The following DLGAP2 variants were observed in gnomAD, a reference collection of about 807,000 sequenced individuals.
DLGAP2 encodes DLG associated protein 2.
DLGAP2 carries 26 observed loss-of-function variants against 100.3 expected under a neutral mutation model. The observed-to-expected ratio is 0.26, with a 90% CI of 0.19 to 0.36. The LOEUF is 0.36. Among genes scored for constraint, DLGAP2 ranks in the 10% least tolerant of loss-of-function variants. The pLI is 1.00. For synonymous variants in DLGAP2, 886 were observed against 630.1 expected (o/e 1.41, Z -6.08); for missense variants, 1,858 against 1,453.2 (o/e 1.28, Z -4.53).
intron 1 of DLGAP2, chr8:740,283 G>A (rs912933389): frequency 6.6e-6 from 1 of 152,208 alleles, no homozygotes; most frequent in Non-Finnish European, 1.5e-5. Flanking sequence ...AGTATTCAAT[G>A]TCTATTTGTT....
chr8:1,122,317 T>C (rs938445356), intron 2 of DLGAP2, among the ~76,000 whole-genome samples: 18 of 152,188 alleles, frequency 1.2e-4, no homozygotes, highest in African/African-American at 4.3e-4. Context: ...TGGTCAGGAC[T>C]GAAAGAACCT....
Position 1,481,478 on chromosome 8 carries a change from T to C in DLGAP2, c.107-19888T>C, listed in dbSNP as rs866065838. ...CTTTTTCTTTTTCTTTTTCTTTTTT[T>C]TTTTTTTTTTTTTTTTTGAGATGGA... On this transcript the variant is annotated intron_variant, in intron 3 of 14. Coordinates refer to ENST00000637795, the MANE Select transcript of DLGAP2 (RefSeq NM_001346810.2). 2.3e-3 allele frequency among the ~76,000 whole-genome samples: 298 copies of C among 131,330 alleles called. 2 individuals are homozygous for C. Among genetic ancestry groups the C allele is most frequent in the African/African-American group, 8.1e-3 (285 of 35,124 alleles). 86.2% of individuals were successfully genotyped at this position (131,330 alleles called of 152,430 possible). A position where few individuals can be genotyped will look rare whatever the true frequency, so the allele number is the denominator to read the frequency against.
intron 6 of DLGAP2, among the ~76,000 whole-genome samples, chr8:1,571,047 A>AT (rs1802645767): frequency 1.6e-5 from 1 of 62,304 alleles, no homozygotes; most frequent in Non-Finnish European, 3.2e-5. Context: ...GAGAGGAGAG[A>AT]GGTGAACTGT....
chr8:1,499,147 G>C (rs1799630473), intron 3 of DLGAP2, among the ~76,000 whole-genome samples: 1 of 152,210 alleles, frequency 6.6e-6, no homozygotes, highest in African/African-American at 2.4e-5. Context: ...AGATAATTAG[G>C]TGTGTTCCTC....
At chr8:1,600,521 G>A (rs890506537) in intron 6 of DLGAP2, among the ~76,000 whole-genome samples, 1 of 152,166 alleles carries the variant, frequency 6.6e-6, no homozygotes, top group African/African-American at 2.4e-5. Context: ...ATCTAATGTA[G>A]GATTGGTCTT....
intron 2 of DLGAP2, among the ~76,000 whole-genome samples, chr8:1,004,487 T>G (rs995472990): frequency 2.0e-5 from 3 of 152,222 alleles, no homozygotes; most frequent in African/African-American, 7.2e-5. Context: ...ATATTCAAAA[T>G]AGAGTCGGCC....
intron 6 of DLGAP2, among the ~76,000 whole-genome samples, chr8:1,626,417 G>A (rs11987467): frequency 0.019 from 1,689 of 90,888 alleles, 1 homozygote; most frequent in African/African-American, 0.083. Context: ...ACCCTGCAGC[G>A]GGTGCTCACC....
chr8:1,179,005 C>T (rs551487727), intron 2 of DLGAP2, among the ~76,000 whole-genome samples: 25 of 152,324 alleles, frequency 1.6e-4, no homozygotes, highest in African/African-American at 5.3e-4. Flanking sequence ...AGATTAATTT[C>T]GAGCCCCTGC....
intron 1 of DLGAP2, among the ~76,000 whole-genome samples, chr8:744,694 C>T (rs1487838626): frequency 1.3e-5 from 2 of 152,040 alleles, no homozygotes; most frequent in South Asian, 4.2e-4. Context: ...ACGTCGCCCT[C>T]CCGGGGTGCT....
intron 6 of DLGAP2, among the ~76,000 whole-genome samples, chr8:1,572,508 T>A (rs1802767528): frequency 9.4e-6 from 1 of 106,002 alleles, no homozygotes; most frequent in Non-Finnish European, 1.9e-5. Flanking sequence ...GGGCATCTTC[T>A]GGGATGGAGA....
intron 4 of DLGAP2, among the ~76,000 whole-genome samples, chr8:1,516,101 C>A (rs187861962): frequency 6.3e-5 from 9 of 143,862 alleles, no homozygotes; most frequent in Non-Finnish European, 1.1e-4. Context: ...GAATGAGTGA[C>A]TGAGTGAATG....
At chr8:810,777 C>T (rs1796355870) in intron 1 of DLGAP2, among the ~76,000 whole-genome samples, 1 of 152,176 alleles carries the variant, frequency 6.6e-6, no homozygotes, top group Admixed American at 6.5e-5. Flanking sequence ...GCTGTTTTCC[C>T]ACTATGCCAA....
rs943524687 is a variant in DLGAP2, at chr8:1,136,125, G to C, written c.74-122726G>C. ...CCTTGCCTTCCTCTTGCTTCCAGGG[G>C]AAGCTGCCAGGTAGAAGTAGTGAGG... On this transcript the variant is annotated intron_variant, in intron 2 of 14. Transcript: ENST00000637795. 3.3e-5 allele frequency among the ~76,000 whole-genome samples: 5 copies of C among 152,208 alleles called. No homozygotes were observed. In the South Asian group the frequency reaches 6.2e-4, roughly 19 times the overall value.
At chr8:1,675,650 A>G (rs1272155604) in intron 10 of DLGAP2, among the ~76,000 whole-genome samples, 3 of 152,176 alleles carry the variant, frequency 2.0e-5, no homozygotes, top group Non-Finnish European at 4.4e-5. Flanking sequence ...GTGATCAGTA[A>G]TATTTTTAAG....
chr8:1,226,757 GT>G (rs1189549528), intron 2 of DLGAP2, among the ~76,000 whole-genome samples: 7 of 152,006 alleles, frequency 4.6e-5, no homozygotes, highest in Admixed American at 4.6e-4. Context: ...TTGAACGTTT[GT>G]GTAATCCTCA....
At position 1,166,656 on chromosome 8, in the gene DLGAP2, G is replaced by A. The variant is rs529497086; in HGVS notation, c.74-92195G>A. Among the ~76,000 whole-genome samples, 14 of 152,136 alleles carry A rather than the reference G, an allele frequency of 9.2e-5. No individual in the cohort carries two copies. The East Asian group carries it at 2.3e-3, about 25-fold the overall frequency. On this transcript the variant is annotated intron_variant, in intron 2 of 14. Transcript: ENST00000637795. ...CCTGTCAATGCCGCATAAGCATGTC[G>A]TCTCTGTTTCCAAACTTGTCTGATT... is the stretch of plus-strand genomic sequence containing the variant.
intron 2 of DLGAP2, among the ~76,000 whole-genome samples, chr8:1,107,167 G>A (rs535394513): frequency 3.3e-4 from 50 of 152,294 alleles, no homozygotes; most frequent in Admixed American, 2.0e-3. Context: ...ACCACAAAGT[G>A]GAGAGAGCAG....
intron 2 of DLGAP2, among the ~76,000 whole-genome samples, chr8:1,147,833 C>T (rs1459201856): frequency 6.6e-6 from 1 of 151,968 alleles, no homozygotes; most frequent in African/African-American, 2.4e-5. Flanking sequence ...AATTTTGATT[C>T]CTGAAATAAA....
intron 5 of DLGAP2, among the ~76,000 whole-genome samples, chr8:1,556,996 G>C (rs1430723841): frequency 6.6e-6 from 1 of 152,046 alleles, no homozygotes; most frequent in African/African-American, 2.4e-5. Flanking sequence ...GGGGGATGTT[G>C]AGCACAGCCA....
Sources: gnomAD v4.1 joint callset for allele counts (sites outside exome capture counted in the v4.1 genomes callset) on GRCh38, gnomAD v4.1.1 for gene constraint, MANE v1.5 for transcripts, NCBI Gene and HGNC (gene_info 2026-07-23, HGNC 2026-07-21) for gene names.